Variants in SULT1A1 observed in about 807,000 individuals in gnomAD.
The protein encoded by SULT1A1 is sulfotransferase 1A1.
In SULT1A1, 35 loss-of-function variants were observed where a neutral mutation model predicts 36.8. The ratio of observed to expected loss-of-function variants is 0.95; its 90% CI spans 0.73 to 1.26. The LOEUF is 1.26. Among genes scored for constraint, SULT1A1 ranks in the 50% most tolerant of loss-of-function variants. The pLI is 0.00. For synonymous variants in SULT1A1, 119 were observed against 146.0 expected (o/e 0.82, Z 1.33); for missense variants, 309 against 383.0 (o/e 0.81, Z 1.61).
intron 1 of SULT1A1, among the ~76,000 whole-genome samples, chr16:28,622,497 T>G (rs1355120010): frequency 6.6e-6 from 1 of 152,128 alleles, no homozygotes; most frequent in African/African-American, 2.4e-5. Flanking sequence ...CCTTGATGTT[T>G]TCCGTGAGAC....
chr16:28,606,225 C>G lies in SULT1A1; in HGVS notation c.606G>C (p.Arg202Ser), dbSNP rs1407307657. The change falls in exon 7 of 8, where the codon AGG becomes AGC. Residue 202 changes from arginine to serine, a missense_variant. This residue lies in a region of SULT1A1 where 219 missense variants were observed against 215.3 expected (regional missense o/e 1.02). Coordinates refer to ENST00000314752, the MANE Select transcript of SULT1A1 (RefSeq NM_001055.4). ...CAAACTCCAGGATCTTTTGAATCTC[C>G]CTTTTCGGGTTCTGAGCAGCAGAGG... is the stretch of plus-strand genomic sequence containing the variant. Reference protein sequence around the residue: ...FYEDMKENPKREIQKILEFVG... With the variant: ...FYEDMKENPKSEIQKILEFVG... 1.2e-6 allele frequency: 2 copies of G among 1,610,020 alleles called. No homozygotes were observed. The highest frequency in any genetic ancestry group is 3.4e-5 in the Admixed American group (2 of 59,460).
exon 2 of SULT1A1, chr16:28,620,111 C>G (rs771849958): frequency 8.7e-6 from 14 of 1,612,936 alleles, no homozygotes; most frequent in Middle Eastern, 3.4e-4. Context: ...ATATGTCATC[C>G]TTTCCCTGGA....
chr16:28,623,222 C>A, exon 1 of SULT1A1: 1 of 1,545,432 alleles, frequency 6.5e-7, no homozygotes, highest in Non-Finnish European at 8.7e-7. Context: ...GGCCCGGGAG[C>A]GCGCGCTCCA....
chr16:28,610,130 C>T (rs1205054717), upstream of SULT1A1: 11 of 1,285,900 alleles, frequency 8.6e-6, 1 homozygote, highest in East Asian at 6.1e-4. Context: ...TCTCCATTAC[C>T]CTCCTTAGTG....
chr16:28,608,142 C>G (rs2047290826), intron 4 of SULT1A1, 149 bp downstream of exon 4: 2 of 1,185,648 alleles, frequency 1.7e-6, no homozygotes, highest in Admixed American at 5.4e-5. Context: ...CACCCGCCAC[C>G]ACACCCGGCT....
intron 2 of SULT1A1, among the ~76,000 whole-genome samples, chr16:28,617,550 T>C (rs1283536334): frequency 6.6e-6 from 1 of 152,014 alleles, no homozygotes; most frequent in South Asian, 2.1e-4. Flanking sequence ...TTTCTTTTTT[T>C]TTTTCTTTTT....
chr16:28,608,123 G>T, intron 4 of SULT1A1, 168 bp downstream of exon 4: 3 of 997,002 alleles, frequency 3.0e-6, no homozygotes, highest in South Asian at 1.7e-5. Flanking sequence ...GAGTAGCTGG[G>T]ATTACAGGCA....
chr16:28,607,098 A>G (rs201305654), intron 4 of SULT1A1, 21 bp from the exon 5 acceptor site: 1 of 1,611,060 alleles, frequency 6.2e-7, no homozygotes, highest in East Asian at 2.2e-5. Context: ...AGAAGACTCA[A>G]CCCCAGCACC....
intron 4 of SULT1A1, 175 bp from the exon 5 acceptor site, chr16:28,607,252 T>C: frequency 3.4e-6 from 4 of 1,161,732 alleles, no homozygotes; most frequent in Non-Finnish European, 4.8e-6. Flanking sequence ...GCCAAAGTCC[T>C]GCCTGGTCCC....
intron 2 of SULT1A1, among the ~76,000 whole-genome samples, chr16:28,618,596 C>T (rs2047592330): frequency 6.6e-6 from 1 of 152,028 alleles, no homozygotes; most frequent in African/African-American, 2.4e-5. Flanking sequence ...CACCCGCCTC[C>T]ACCTCCCAAA....
In SULT1A1 at chr16:28,608,557, A is replaced by G. The variant is rs770549134; in HGVS notation, c.195T>C (p.Gly65=). The G allele has an allele frequency of 1.6e-5, 26 of 1,612,314 alleles. No homozygotes were observed. In the East Asian group the frequency reaches 5.3e-4, roughly 33 times the overall value. The change falls in exon 3 of 8, where the codon GGT becomes GGC. Residue 65 remains glycine, a synonymous_variant. Transcript: ENST00000314752. ...GAGCTCGGTGACACTTCTCCAGGTC[A>G]CCACCCTGGTAGATCATGTCCAGAA... The part of the protein sequence containing the change: ...SQILDMIYQG[G]DLEKCHRAPI...
Position 28,609,717 on chromosome 16 carries a change from G to A in SULT1A1, c.-5+214C>T, listed in dbSNP as rs748509653. 3.9e-5 allele frequency: 20 copies of A among 506,352 alleles called. 1 individual carries two copies. Among genetic ancestry groups the A allele is most frequent in the Non-Finnish European group, 5.7e-5 (18 of 318,564 alleles). 31.4% of individuals were successfully genotyped at this position (506,352 alleles called of 1,614,324 possible). Reference sequence around the variant, plus strand: ...AGGCTGCAGTGGCCAGGATCCCACAGCACTCCAGCCTGGGTGACAGCAAGA... The same window carrying A: ...AGGCTGCAGTGGCCAGGATCCCACAACACTCCAGCCTGGGTGACAGCAAGA... On this transcript the variant is annotated intron_variant, in intron 1 of 7. Coordinates refer to ENST00000314752, the MANE Select transcript of SULT1A1 (RefSeq NM_001055.4).
upstream of SULT1A1, chr16:28,610,588 A>C (rs1482716828): frequency 4.7e-6 from 1 of 213,866 alleles, no homozygotes; most frequent in Non-Finnish European, 9.7e-6. Flanking sequence ...GGTGGAGCAG[A>C]GCATGGATGC....
rs1229020272 is a variant in SULT1A1, at chr16:28,608,729, T to A, written c.127A>T (p.Ile43Phe). The change falls in exon 2 of 8, where the codon ATC (isoleucine) becomes TTC (phenylalanine). Residue 43 changes from isoleucine to phenylalanine, a missense_variant. Physicochemically the swap from Ile to Phe is conservative, Grantham distance 21 (BLOSUM62 0). Coordinates refer to ENST00000314752, the MANE Select transcript of SULT1A1 (RefSeq NM_001055.4). ...TTACCGGACTTGGGGTAGGTGCTGATGAGCAGGTCATCAGGCCGGGCCTGG... is the reference window on the plus strand; with the variant it reads ...TTACCGGACTTGGGGTAGGTGCTGAAGAGCAGGTCATCAGGCCGGGCCTGG... The part of the protein sequence containing the change: ...SFQARPDDLL[I>F]STYPKSGTTW... The A allele has an allele frequency of 5.6e-6, 9 of 1,612,952 alleles. No homozygotes were observed. The highest frequency in any genetic ancestry group is 1.1e-5 in the South Asian group (1 of 91,012).
intron 2 of SULT1A1, among the ~76,000 whole-genome samples, chr16:28,617,196 G>A (rs2047563025): frequency 6.6e-6 from 1 of 151,676 alleles, no homozygotes; most frequent in Non-Finnish European, 1.5e-5. Context: ...TTGTATTTGT[G>A]GAGATGAGGT....
At chr16:28,607,535 C>G (rs1171126145) in intron 4 of SULT1A1, 1 of 160,504 alleles carries the variant, frequency 6.2e-6, no homozygotes, top group African/African-American at 2.4e-5. Flanking sequence ...CTGGGCTGAG[C>G]CAGGGCCTCC....
At chr16:28,616,385 C>T (rs1248541020) in intron 2 of SULT1A1, among the ~76,000 whole-genome samples, 1 of 152,180 alleles carries the variant, frequency 6.6e-6, no homozygotes, top group Admixed American at 6.5e-5. Context: ...TGGCTTGCCG[C>T]CCACAATTCT....
At chr16:28,621,114 A>C (rs56124510) in intron 1 of SULT1A1, among the ~76,000 whole-genome samples, 239 of 145,444 alleles carry the variant, frequency 1.6e-3, no homozygotes, top group Non-Finnish European at 2.1e-3. Context: ...TCTGTCTCCC[A>C]AAAAAAAAAA....
chr16:28,623,131 C>T (rs1316294044), exon 1 of SULT1A1: 15 of 1,538,408 alleles, frequency 9.8e-6, no homozygotes, highest in African/African-American at 1.4e-5. Context: ...GGCCCCTCAC[C>T]GGCGTAGAAG....
Sources: allele counts gnomAD v4.1 joint callset (sites outside exome capture counted in the v4.1 genomes callset), GRCh38; gene constraint gnomAD v4.1.1; regional missense constraint gnomAD v4.1.1; transcripts MANE v1.5; gene names NCBI Gene and HGNC (gene_info 2026-07-23, HGNC 2026-07-21).